The following CPA6 variants were observed in gnomAD, a reference collection of about 807,000 sequenced individuals.
CPA6 encodes the protein carboxypeptidase A6.
Under a neutral mutation model 63.3 loss-of-function variants are expected in CPA6, and 58 were observed. That is an observed-to-expected ratio of 0.92 (90% CI 0.74 to 1.14). CPA6 has a LOEUF of 1.14. Among genes scored for constraint, CPA6 ranks in the 50% most tolerant of loss-of-function variants. The pLI is 0.00. For missense variants in CPA6, 565 were observed against 526.6 expected (o/e 1.07, Z -0.71); for synonymous variants, 185 against 179.0 (o/e 1.03, Z -0.27).
rs1813679376 is a variant in CPA6 at position 67,578,370 on chromosome 8, G to C, written c.192+45806C>G. Among the ~76,000 whole-genome samples the C allele has an allele frequency of 2.0e-5, 3 of 152,226 alleles. No homozygotes were observed. In the South Asian group the frequency reaches 6.2e-4, roughly 32 times the overall value. ...TGATGCGGATCTCCTCCCTCAAAGT[G>C]CTCAAATGTAACACAATCACCTTCC... On this transcript the variant is annotated intron_variant, in intron 2 of 10. Transcript: ENST00000297770.
intron 2 of CPA6, among the ~76,000 whole-genome samples, chr8:67,573,891 C>CAAAAAAAAA (rs34145304): frequency 1.2e-4 from 4 of 33,494 alleles, no homozygotes; most frequent in Non-Finnish European, 1.8e-4. Context: ...GACTCCGTCT[C>CAAAAAAAAA]AAAAAAAAAA....
chr8:67,624,544 C>A (rs1815155426), intron 1 of CPA6, among the ~76,000 whole-genome samples: 1 of 152,202 alleles, frequency 6.6e-6, no homozygotes, highest in Non-Finnish European at 1.5e-5. Context: ...GGGACAGGAA[C>A]TTTCATGAGC....
chr8:67,582,411 A>G (rs905611178), intron 2 of CPA6, among the ~76,000 whole-genome samples: 1 of 152,214 alleles, frequency 6.6e-6, no homozygotes, highest in Non-Finnish European at 1.5e-5. Context: ...AATCCATAGT[A>G]TAAGTCCTGG....
rs5892091 is a variant in CPA6 at position 67,680,489 on chromosome 8, T to TAA, written c.117-56240_117-56239dup. Among the ~76,000 whole-genome samples the TAA allele has an allele frequency of 1.0e-3, 134 of 132,636 alleles. No homozygotes were observed. In the Middle Eastern group the frequency reaches 0.012, roughly 12 times the overall value. 87.0% of individuals were successfully genotyped at this position (132,636 alleles called of 152,430 possible). A position where few individuals can be genotyped will look rare whatever the true frequency, so the allele number is the denominator to read the frequency against. ...GCAATGGAGTGAGACCCTCTGTATT[T>TAA]AAAAAAAAAAAAAAAAGCTTTTCTC... is the stretch of plus-strand genomic sequence containing the variant. On this transcript the variant is annotated intron_variant, in intron 1 of 10. Transcript: ENST00000297770.
intron 2 of CPA6, among the ~76,000 whole-genome samples, chr8:67,535,627 T>C (rs953750524): frequency 6.6e-6 from 1 of 152,226 alleles, no homozygotes; most frequent in African/African-American, 2.4e-5. Context: ...ATGGATAGAT[T>C]GCAAAAATTT....
intron 6 of CPA6, among the ~76,000 whole-genome samples, chr8:67,497,140 T>G (rs1383020309): frequency 6.6e-6 from 1 of 152,210 alleles, no homozygotes; most frequent in African/African-American, 2.4e-5. Context: ...ATTCACCATT[T>G]TACAGTGTAC....
At chr8:67,715,343 T>C (rs1817355324) in intron 1 of CPA6, among the ~76,000 whole-genome samples, 1 of 152,260 alleles carries the variant, frequency 6.6e-6, no homozygotes, top group African/African-American at 2.4e-5. Flanking sequence ...CATAATTTGC[T>C]AGATGGCTCA....
At chr8:67,539,469 G>A (rs1316393987) in intron 2 of CPA6, among the ~76,000 whole-genome samples, 1 of 152,172 alleles carries the variant, frequency 6.6e-6, no homozygotes, top group African/African-American at 2.4e-5. Context: ...TGACAATTAT[G>A]TGTCTTGGGG....
chr8:67,713,095 G>GTATATA (rs755642095), intron 1 of CPA6, among the ~76,000 whole-genome samples: 928 of 85,982 alleles, frequency 0.011, 23 homozygotes, highest in South Asian at 0.015. Flanking sequence ...GTGTGTGTGT[G>GTATATA]TGTGTATATA....
chr8:67,508,045 G>GTA (rs1811968610), intron 5 of CPA6, among the ~76,000 whole-genome samples: 1 of 148,414 alleles, frequency 6.7e-6, no homozygotes, highest in South Asian at 2.1e-4. Context: ...GTGTGTGTGT[G>GTA]TGTCTGTTTG....
chr8:67,642,145 C>T (rs1409287086), intron 1 of CPA6, among the ~76,000 whole-genome samples: 1 of 152,120 alleles, frequency 6.6e-6, no homozygotes, highest in Non-Finnish European at 1.5e-5. Context: ...TGGTGAAACA[C>T]CAACTGTACT....
intron 6 of CPA6, among the ~76,000 whole-genome samples, chr8:67,498,307 G>A (rs978157421): frequency 2.0e-5 from 3 of 151,862 alleles, no homozygotes; most frequent in Admixed American, 1.3e-4. Context: ...AGGCTGAGGC[G>A]GGTGGATCAC....
intron 2 of CPA6, among the ~76,000 whole-genome samples, chr8:67,559,161 T>A (rs1813140005): frequency 6.6e-6 from 1 of 152,206 alleles, no homozygotes; most frequent in South Asian, 2.1e-4. Flanking sequence ...TTGAAATTTC[T>A]CTTTGTCCCA....
At chr8:67,560,256 A>G (rs1173976969) in intron 2 of CPA6, among the ~76,000 whole-genome samples, 2 of 151,590 alleles carry the variant, frequency 1.3e-5, no homozygotes, top group Non-Finnish European at 2.9e-5. Context: ...TTACAAAAGG[A>G]AATACTGCAT....
chr8:67,635,228 T>C (rs1054764534), intron 1 of CPA6, among the ~76,000 whole-genome samples: 1 of 151,640 alleles, frequency 6.6e-6, no homozygotes, highest in Non-Finnish European at 1.5e-5. Context: ...CCAAGTTTGC[T>C]CCACTGTGAA....
intron 2 of CPA6, among the ~76,000 whole-genome samples, chr8:67,572,569 T>G (rs1189857158): frequency 6.6e-6 from 1 of 152,192 alleles, no homozygotes; most frequent in Non-Finnish European, 1.5e-5. Flanking sequence ...CCTGCAGAAC[T>G]GTGAGCTAAA....
At chr8:67,589,087 C>A (rs564777902) in intron 2 of CPA6, among the ~76,000 whole-genome samples, 1 of 151,086 alleles carries the variant, frequency 6.6e-6, no homozygotes, top group Non-Finnish European at 1.5e-5. Context: ...CACTGCACTC[C>A]GGCATGGGTG....
At chr8:67,612,494 C>G (rs1438597299) in intron 2 of CPA6, among the ~76,000 whole-genome samples, 1 of 152,170 alleles carries the variant, frequency 6.6e-6, no homozygotes, top group East Asian at 1.9e-4. Context: ...CTCCTTTCTT[C>G]TTTCTCAATA....
At chr8:67,699,083 T>C (rs1444281675) in intron 1 of CPA6, among the ~76,000 whole-genome samples, 3 of 152,170 alleles carry the variant, frequency 2.0e-5, no homozygotes, top group Non-Finnish European at 2.9e-5. Context: ...TGCTACATTA[T>C]TATGACTTCT....
Sources: gnomAD v4.1 joint callset for allele counts (sites outside exome capture counted in the v4.1 genomes callset) on GRCh38, gnomAD v4.1.1 for gene constraint, MANE v1.5 for transcripts, NCBI Gene and HGNC (gene_info 2026-07-23, HGNC 2026-07-21) for gene names.